Variants in TOP1 observed in about 807,000 individuals in gnomAD.
TOP1 encodes the protein DNA topoisomerase I.
Under a neutral mutation model 111.1 loss-of-function variants are expected in TOP1, and 10 were observed. The ratio of observed to expected loss-of-function variants is 0.09; its 90% CI spans 0.06 to 0.15. The LOEUF is 0.15. Among genes scored for constraint, TOP1 ranks in the 10% least tolerant of loss-of-function variants. The pLI, the probability that TOP1 is intolerant of heterozygous loss-of-function variation, is 1.00. For synonymous variants in TOP1, 271 were observed against 302.9 expected, an observed-to-expected ratio of 0.89 and a Z score of 1.10; for missense variants, 474 against 926.7, an observed-to-expected ratio of 0.51 and a Z score of 6.34.
rs892942183 is a variant in TOP1, at chr20:41,121,977, G to C, written c.2046-29G>C. On this transcript the variant is annotated intron_variant, in intron 19 of 20. Transcript: ENST00000361337. This position sits in a 1 kb window ranked among gnomAD's most constrained non-coding sequence, Gnocchi z 4.2. Reference sequence around the variant, plus strand: ...GTGCTCTTGTCTAGAGCCCAGGCCTGGTTCTTGAGGACTTTGCTATTCTTC... The same window carrying C: ...GTGCTCTTGTCTAGAGCCCAGGCCTCGTTCTTGAGGACTTTGCTATTCTTC... The C allele has an allele frequency of 7.4e-6, 12 of 1,612,550 alleles. No homozygotes were observed. The highest frequency in any genetic ancestry group is 9.3e-6 in the Non-Finnish European group (11 of 1,179,412).
At chr20:41,111,862 A>T (rs1208915182) in intron 13 of TOP1, among the ~76,000 whole-genome samples, 3 of 151,658 alleles carry the variant, frequency 2.0e-5, no homozygotes, top group Admixed American at 1.3e-4. Flanking sequence ...CTGCTTCTGG[A>T]TTTCTTGAAT....
In TOP1 at chr20:41,089,849, C is replaced by T. The variant is rs114991429; in HGVS notation, c.615-2623C>T. On this transcript the variant is annotated intron_variant, in intron 8 of 20. Coordinates refer to ENST00000361337, the MANE Select transcript of TOP1 (RefSeq NM_003286.4). The stretch of plus-strand genomic sequence containing the variant: ...ATCCTTATGAGTATGAATGGTATCT[C>T]ATTGTGGTTTTGATTGGTATTTTCC... Among the ~76,000 whole-genome samples the T allele has an allele frequency of 4.5e-3, 687 of 152,260 alleles. 8 individuals are homozygous for T. Among genetic ancestry groups the T allele is most frequent in the African/African-American group, 0.016 (650 of 41,532 alleles).
intron 8 of TOP1, among the ~76,000 whole-genome samples, chr20:41,091,677 C>T (rs2033922220): frequency 6.6e-6 from 1 of 150,572 alleles, no homozygotes; most frequent in Non-Finnish European, 1.5e-5. Flanking sequence ...GTGCCTCAGC[C>T]TCCTGAGCAG....
intron 2 of TOP1, among the ~76,000 whole-genome samples, chr20:41,047,245 G>C (rs1343591682): frequency 6.6e-6 from 1 of 152,234 alleles, no homozygotes; most frequent in African/African-American, 2.4e-5. Flanking sequence ...CAAGATTTCT[G>C]TCAACAATAG....
Position 41,122,748 on chromosome 20 carries a change from C to CTAGGTCCGTGCCATAT in TOP1, c.2196-446_2196-445insAGGTCCGTGCCATATT, listed in dbSNP as rs1645235578. 6.6e-6 allele frequency among the ~76,000 whole-genome samples: 1 copy of CTAGGTCCGTGCCATAT among 152,220 alleles called. No homozygotes were observed. The highest frequency in any genetic ancestry group is 2.1e-4 in the South Asian group (1 of 4,830). On this transcript the variant is annotated intron_variant, in intron 20 of 20. Transcript: ENST00000361337. The surrounding 1 kb of genome is among the most constrained non-coding windows in gnomAD (Gnocchi z 5.4). The stretch of plus-strand genomic sequence containing the variant: ...GGTGGAGATATCCTCCCCTATGGCA[C>CTAGGTCCGTGCCATAT]TTGCTAGTCCGGGCTAAAGTTTCCA...
At position 41,028,848 on chromosome 20, in the gene TOP1, A is replaced by G. The variant is rs965040073; in HGVS notation, c.-220A>G. On this transcript the variant is annotated 5_prime_UTR_variant, in exon 1 of 21. Transcript: ENST00000361337. ...AAATGCGAACTTAGGCTGTTACACAACTGCTGGGGTCTGTTCTCGCCGCCC... is the reference window on the plus strand; with the variant it reads ...AAATGCGAACTTAGGCTGTTACACAGCTGCTGGGGTCTGTTCTCGCCGCCC... 1.1e-5 allele frequency: 6 copies of G among 534,474 alleles called. No homozygotes were observed. The highest frequency in any genetic ancestry group is 3.5e-5 in the East Asian group (1 of 28,556). The allele number at this position is 534,474 out of a possible 1,614,324, so 33.1% of individuals were successfully genotyped here.
At position 41,072,840 on chromosome 20, in the gene TOP1, A is replaced by T. The variant is rs975860143; in HGVS notation, c.156-3331A>T. ...GTAATAGAAGCTGTCCTTAACCCTCAATCATCTGTATTCAGCTAGTATAAA... is the reference window on the plus strand; with the variant it reads ...GTAATAGAAGCTGTCCTTAACCCTCTATCATCTGTATTCAGCTAGTATAAA... On this transcript the variant is annotated intron_variant, in intron 3 of 20. Transcript: ENST00000361337. 14 of 985,292 alleles carry T rather than the reference A, an allele frequency of 1.4e-5. No homozygotes were observed. The Admixed American group carries it at 1.8e-4, about 13-fold the overall frequency. 61.0% of individuals were successfully genotyped at this position (985,292 alleles called of 1,614,324 possible). A position where few individuals can be genotyped will look rare whatever the true frequency, so the allele number is the denominator to read the frequency against.
Position 41,029,020 on chromosome 20 carries a change from TC to T in TOP1, c.-43del. 2.0e-6 allele frequency: 3 copies of T among 1,522,046 alleles called. No individual in the cohort carries two copies. The highest frequency in any genetic ancestry group is 2.6e-6 in the Non-Finnish European group (3 of 1,134,870). The allele number at this position is 1,522,046 out of a possible 1,614,324, so 94.3% of individuals were successfully genotyped here. A position where few individuals can be genotyped will look rare whatever the true frequency, so the allele number is the denominator to read the frequency against. On this transcript the variant is annotated 5_prime_UTR_variant, in exon 1 of 21. Coordinates refer to ENST00000361337, the MANE Select transcript of TOP1 (RefSeq NM_003286.4). This position sits in a 1 kb window ranked among gnomAD's most constrained non-coding sequence, Gnocchi z 6.1. ...CACAGGCCGGTTCGCCGTCTGCGTC[TC>T]CCCCACGCCGCCTCGCCTGCCGCCG... is the stretch of plus-strand genomic sequence containing the variant.
chr20:41,103,447 C>T (rs1190767607), intron 13 of TOP1, among the ~76,000 whole-genome samples: 3 of 152,136 alleles, frequency 2.0e-5, no homozygotes, highest in African/African-American at 7.2e-5. Flanking sequence ...GGACTTTGAA[C>T]AGTGGAGTGT....
intron 2 of TOP1, among the ~76,000 whole-genome samples, chr20:41,052,502 T>A (rs941851473): frequency 3.9e-5 from 6 of 152,184 alleles, no homozygotes; most frequent in Admixed American, 3.9e-4. Context: ...GTACTTGGTT[T>A]CCATATCTGC....
chr20:41,040,927 A>G (rs1429771445), intron 2 of TOP1, among the ~76,000 whole-genome samples: 1 of 152,054 alleles, frequency 6.6e-6, no homozygotes, highest in Non-Finnish European at 1.5e-5. Context: ...TATACTCAAT[A>G]CTTCTCCATT....
chr20:41,123,733 C>T lies in TOP1; in HGVS notation c.*436C>T, dbSNP rs1177501514. 4.3e-6 allele frequency: 1 copy of T among 232,236 alleles called. No individual in the cohort carries two copies. The allele number at this position is 232,236 out of a possible 1,614,324, so 14.4% of individuals were successfully genotyped here. On this transcript the variant is annotated 3_prime_UTR_variant, in exon 21 of 21. Coordinates refer to ENST00000361337, the MANE Select transcript of TOP1 (RefSeq NM_003286.4). This position sits in a 1 kb window ranked among gnomAD's most constrained non-coding sequence, Gnocchi z 5.8. ...AGAAATAAATTCCTAAACTCCCTTC[C>T]CTCTCTCCCATTTCAGGAATTTAAA... is the stretch of plus-strand genomic sequence containing the variant.
chr20:41,039,032 A>G (rs568897876), intron 2 of TOP1, among the ~76,000 whole-genome samples: 70 of 152,144 alleles, frequency 4.6e-4, no homozygotes, highest in Non-Finnish European at 9.7e-4. Flanking sequence ...GGCAGTGATT[A>G]ACTTTCTCCT....
In TOP1 at chr20:41,113,957, C is replaced by G. The variant is rs1221738333; in HGVS notation, c.1453-13C>G. ...TTCCATTCATGCTCATCTTTTCTTT[C>G]TTTCCTGGGCAGCTTGCTCTGAGAG... On this transcript the variant is annotated splice_polypyrimidine_tract_variant and intron_variant, in intron 14 of 20. Coordinates refer to ENST00000361337, the MANE Select transcript of TOP1 (RefSeq NM_003286.4). 1.3e-6 allele frequency: 2 copies of G among 1,584,964 alleles called. No individual in the cohort carries two copies. The highest frequency in any genetic ancestry group is 4.6e-5 in the East Asian group (2 of 43,312).
chr20:41,098,291 A>C lies in TOP1; in HGVS notation c.929A>C (p.Lys310Thr). 3 of 1,614,066 alleles carry C rather than the reference A, an allele frequency of 1.9e-6. No homozygotes were observed. Among genetic ancestry groups the C allele is most frequent in the Non-Finnish European group, 2.5e-6 (3 of 1,179,942 alleles). Residue 310 changes from lysine (K) to threonine (T), a missense_variant, in exon 11 of 21, where the codon AAA becomes ACA. This residue lies in a region of TOP1 where 84 missense variants were observed against 119.2 expected (regional missense o/e 0.70). Transcript: ENST00000361337. The surrounding 1 kb of genome is among the most constrained non-coding windows in gnomAD (Gnocchi z 5.7). ...TTTACCCAGATGAGCCAGTATTTCA[A>C]AGCCCAGACGGAAGCTCGGAAACAG... is the stretch of plus-strand genomic sequence containing the variant. Reference protein sequence around the residue: ...CDFTQMSQYFKAQTEARKQMS... With the variant: ...CDFTQMSQYFTAQTEARKQMS...
At chr20:41,040,570 A>G (rs1393769707) in intron 2 of TOP1, among the ~76,000 whole-genome samples, 2 of 152,110 alleles carry the variant, frequency 1.3e-5, no homozygotes, top group Non-Finnish European at 2.9e-5. Context: ...AGGGCCAGGC[A>G]CCCCACACTG....
chr20:41,068,898 G>A (rs958324961), intron 3 of TOP1, among the ~76,000 whole-genome samples: 1 of 152,174 alleles, frequency 6.6e-6, no homozygotes, highest in African/African-American at 2.4e-5. Flanking sequence ...GAAAATAAGA[G>A]AATCGTGTGA....
chr20:41,061,387 G>T lies in TOP1; in HGVS notation c.59-7G>T, dbSNP rs758518285. ...CCTGTTAACTGACTCATCTCTTATG[G>T]TTGCAGATTCTCATAAACACAAAGA... On this transcript the variant is annotated splice_region_variant and splice_polypyrimidine_tract_variant and intron_variant, in intron 2 of 20. Coordinates refer to ENST00000361337, the MANE Select transcript of TOP1 (RefSeq NM_003286.4). The surrounding 1 kb of genome is among the most constrained non-coding windows in gnomAD (Gnocchi z 4.6). 1.2e-6 allele frequency: 2 copies of T among 1,613,318 alleles called. No individual in the cohort carries two copies. Among genetic ancestry groups the T allele is most frequent in the East Asian group, 2.2e-5 (1 of 44,876 alleles).
chr20:41,080,115 T>C lies in TOP1; in HGVS notation c.366T>C (p.Asp122=), dbSNP rs1421214986. 2.4e-5 allele frequency: 38 copies of C among 1,611,780 alleles called. No individual in the cohort carries two copies. The highest frequency in any genetic ancestry group is 3.1e-5 in the Non-Finnish European group (37 of 1,179,084). ...CACAAATTAAAGATGAACCTGAAGA[T>C]GATGGCTATTTTGTTCCTCCTAAAG... ...SPPQIKDEPE[D]DGYFVPPKED... is the part of the protein sequence containing the mutation. Residue 122 remains aspartate (D), a synonymous_variant, in exon 6 of 21, where the codon GAT becomes GAC. Transcript: ENST00000361337. The surrounding 1 kb of genome is among the most constrained non-coding windows in gnomAD (Gnocchi z 5.0).
Sources: gnomAD v4.1 joint callset for allele counts (sites outside exome capture counted in the v4.1 genomes callset) on GRCh38, gnomAD v4.1.1 for gene constraint, gnomAD v4.1.1 regional missense constraint, Gnocchi (gnomAD v3.1) non-coding constraint, MANE v1.5 for transcripts, NCBI Gene and HGNC (gene_info 2026-07-23, HGNC 2026-07-21) for gene names.